The following NCOA3 variants were observed in gnomAD, a reference collection of about 807,000 sequenced individuals.
The protein encoded by NCOA3 is nuclear receptor coactivator 3.
In NCOA3, 51 loss-of-function variants were observed where a neutral mutation model predicts 158.8. The ratio of observed to expected loss-of-function variants is 0.32; its 90% confidence interval spans 0.26 to 0.41. The LOEUF is 0.41. Among genes scored for constraint, NCOA3 ranks in the 10% least tolerant of loss-of-function variants. The pLI is 1.00. For synonymous variants in NCOA3, 537 were observed against 592.4 expected (o/e 0.91, Z 1.36); for missense variants, 1,510 against 1,746.6 (o/e 0.86, Z 2.41).
intron 20 of NCOA3, 21 bp from the exon 21 acceptor site, chr20:47,652,385 C>A (rs369909714): frequency 3.2e-6 from 5 of 1,572,104 alleles, no homozygotes; most frequent in Non-Finnish European, 4.4e-6. Context: ...ATTTTTATTT[C>A]TTCTGTTTTA....
chr20:47,622,128 G>T, intron 2 of NCOA3, 101 bp from the exon 3 acceptor site: 1 of 602,472 alleles, frequency 1.7e-6, no homozygotes, highest in Non-Finnish European at 2.9e-6. Flanking sequence ...AGAGAAAGTA[G>T]TTCTGAATTA....
chr20:47,581,122 G>T (rs1276096114), intron 1 of NCOA3, among the ~76,000 whole-genome samples: 1 of 151,890 alleles, frequency 6.6e-6, no homozygotes, highest in Non-Finnish European at 1.5e-5. Flanking sequence ...AAAGAAAAAA[G>T]CTACAACTTT....
chr20:47,601,343 C>T (rs1052663696), intron 2 of NCOA3, among the ~76,000 whole-genome samples: 6 of 152,182 alleles, frequency 3.9e-5, no homozygotes, highest in Non-Finnish European at 8.8e-5. Context: ...AATACCACAT[C>T]GCGGACCAAG....
chr20:47,513,537 C>A (rs897420443), intron 1 of NCOA3, among the ~76,000 whole-genome samples: 2 of 151,950 alleles, frequency 1.3e-5, no homozygotes, highest in African/African-American at 4.8e-5. Context: ...ACCAGCCTGG[C>A]CAACATGGCA....
intron 13 of NCOA3, among the ~76,000 whole-genome samples, chr20:47,638,266 C>T (rs147011551): frequency 1.3e-3 from 192 of 152,220 alleles, no homozygotes; most frequent in East Asian, 4.6e-3. Context: ...AAAGGTAGGC[C>T]GGGCATGGTG....
At chr20:47,604,722 G>A (rs1293538500) in intron 2 of NCOA3, among the ~76,000 whole-genome samples, 1 of 152,146 alleles carries the variant, frequency 6.6e-6, no homozygotes, top group Non-Finnish European at 1.5e-5. Flanking sequence ...GTAGGCTTGA[G>A]CCACTGTGCC....
intron 1 of NCOA3, among the ~76,000 whole-genome samples, chr20:47,547,806 C>G (rs1316262571): frequency 1.3e-5 from 2 of 152,116 alleles, no homozygotes; most frequent in Admixed American, 1.3e-4. Context: ...ACCTCCACCT[C>G]CTGGGTTCAA....
chr20:47,549,242 C>T (rs937957597), intron 1 of NCOA3, among the ~76,000 whole-genome samples: 1 of 151,744 alleles, frequency 6.6e-6, no homozygotes, highest in Non-Finnish European at 1.5e-5. Context: ...AGTTTTTAGG[C>T]CTGGTGCAGC....
At chr20:47,523,274 G>T (rs2084375308) in intron 1 of NCOA3, among the ~76,000 whole-genome samples, 2 of 152,124 alleles carry the variant, frequency 1.3e-5, no homozygotes, top group Non-Finnish European at 1.5e-5. Context: ...AACTGTTAGG[G>T]GGTTTTGGGC....
At chr20:47,614,511 C>T (rs887874161) in intron 2 of NCOA3, among the ~76,000 whole-genome samples, 18 of 152,128 alleles carry the variant, frequency 1.2e-4, no homozygotes, top group Admixed American at 1.2e-3. Context: ...AAGAAATACA[C>T]CAAACCTCTC....
chr20:47,552,378 G>A (rs1049280807), intron 1 of NCOA3, among the ~76,000 whole-genome samples: 3 of 152,170 alleles, frequency 2.0e-5, no homozygotes, highest in African/African-American at 7.2e-5. Context: ...CTGTGGTTAT[G>A]TTTGAAGATA....
Position 47,567,399 on chromosome 20 carries a change from C to CTT in NCOA3, c.-98-15773_-98-15772dup, listed in dbSNP as rs533096346. ...AATATTTGAGTACTTTTCTTTCTTT[C>CTT]TTTTTTTTTTTTAAAGAGCTAGGAT... is the stretch of plus-strand genomic sequence containing the variant. On this transcript the variant is annotated intron_variant, in intron 1 of 22. Transcript: ENST00000371998. Among the ~76,000 whole-genome samples the CTT allele has an allele frequency of 4.9e-4, 71 of 143,760 alleles. 1 individual carries two copies. The East Asian group carries it at 0.014, about 29-fold the overall frequency. 94.3% of individuals were successfully genotyped at this position (143,760 alleles called of 152,430 possible).
intron 1 of NCOA3, among the ~76,000 whole-genome samples, chr20:47,555,910 G>A (rs1458426195): frequency 6.6e-6 from 1 of 151,066 alleles, no homozygotes; most frequent in African/African-American, 2.4e-5. Flanking sequence ...CCAAAGTGCT[G>A]GGATTACAGG....
intron 1 of NCOA3, among the ~76,000 whole-genome samples, chr20:47,570,898 C>T (rs2085279767): frequency 6.7e-6 from 1 of 149,100 alleles, no homozygotes; most frequent in Non-Finnish European, 1.5e-5. Flanking sequence ...TATCAGAGCT[C>T]TTGGGTGACC....
chr20:47,547,242 A>G (rs1317725679), intron 1 of NCOA3, among the ~76,000 whole-genome samples: 2 of 151,740 alleles, frequency 1.3e-5, no homozygotes, highest in Non-Finnish European at 2.9e-5. Flanking sequence ...GAATAAACAC[A>G]CTCTGTATTT....
At chr20:47,512,329 G>A (rs1023196759) in intron 1 of NCOA3, among the ~76,000 whole-genome samples, 3 of 152,026 alleles carry the variant, frequency 2.0e-5, no homozygotes, top group Non-Finnish European at 4.4e-5. Flanking sequence ...CCAGCACTTT[G>A]GGAGGCTGAG....
intron 2 of NCOA3, among the ~76,000 whole-genome samples, chr20:47,609,440 T>C (rs1383073682): frequency 6.6e-6 from 1 of 152,200 alleles, no homozygotes; most frequent in Non-Finnish European, 1.5e-5. Context: ...CCCAGCTTCA[T>C]TTACTAGACA....
rs142708474 is a variant in NCOA3 at position 47,564,048 on chromosome 20, T to C, written c.-98-19135T>C. ...GGTGGCATGCGCATGTGGTCCTAGC[T>C]ACTTGGGAGGTTGAGGCAAGAGGAT... On this transcript the variant is annotated intron_variant, in intron 1 of 22. Transcript: ENST00000371998. 4.4e-3 allele frequency among the ~76,000 whole-genome samples: 675 copies of C among 152,012 alleles called. 3 individuals carry two copies. The highest frequency in any genetic ancestry group is 7.1e-3 in the South Asian group (34 of 4,820).
intron 1 of NCOA3, among the ~76,000 whole-genome samples, chr20:47,505,124 C>A (rs867536238): frequency 7.4e-6 from 1 of 135,162 alleles, no homozygotes; most frequent in Non-Finnish European, 1.6e-5. Flanking sequence ...TGCAGCGGCG[C>A]GATCTTGGCT....
Sources: gnomAD v4.1 joint callset for allele counts (sites outside exome capture counted in the v4.1 genomes callset) on GRCh38, gnomAD v4.1.1 for gene constraint, MANE v1.5 for transcripts, NCBI Gene and HGNC (gene_info 2026-07-23, HGNC 2026-07-21) for gene names.